The following FAM114A1 variants were observed in gnomAD, a reference collection of about 807,000 sequenced individuals.
FAM114A1 encodes the protein family with sequence similarity 114 member A1.
In FAM114A1, 62 loss-of-function variants were observed where a neutral mutation model predicts 64.3. The observed-to-expected ratio is 0.96, with a 90% confidence interval of 0.79 to 1.19. The LOEUF is 1.19. FAM114A1 is among the 50% of genes most tolerant of loss of function. The pLI, the probability that FAM114A1 is intolerant of heterozygous loss-of-function variation, is 0.00. For synonymous variants in FAM114A1, 254 were observed against 251.1 expected (o/e 1.01, Z -0.11); for missense variants, 645 against 676.3 (o/e 0.95, Z 0.51).
chr4:38,882,444 A>G (rs923346763), intron 3 of FAM114A1, among the ~76,000 whole-genome samples: 2 of 152,056 alleles, frequency 1.3e-5, no homozygotes, highest in Admixed American at 6.6e-5. Flanking sequence ...AGCCTGACCA[A>G]TATGGAGAAA....
chr4:38,937,797 C>T (rs555294505), intron 13 of FAM114A1, among the ~76,000 whole-genome samples: 17 of 152,202 alleles, frequency 1.1e-4, no homozygotes, highest in African/African-American at 3.4e-4. Flanking sequence ...TGCAGTGGCG[C>T]GATCTTGGCT....
intron 4 of FAM114A1, among the ~76,000 whole-genome samples, chr4:38,905,091 T>C (rs1717856585): frequency 6.6e-6 from 1 of 152,168 alleles, no homozygotes; most frequent in South Asian, 2.1e-4. Context: ...TTCCTCTTTC[T>C]TTCAATCAGG....
chr4:38,908,825 A>G (rs1718273065), intron 7 of FAM114A1, 99 bp downstream of exon 7: 1 of 1,213,416 alleles, frequency 8.2e-7, no homozygotes, highest in African/African-American at 1.5e-5. Context: ...ATGTGATTCA[A>G]ATCAAATGAC....
rs141439606 is a variant in FAM114A1, at chr4:38,911,337, G to A, written c.792+2611G>A. Among the ~76,000 whole-genome samples the A allele has an allele frequency of 2.7e-3, 417 of 152,360 alleles. 1 individual carries two copies. Among genetic ancestry groups the A allele is most frequent in the African/African-American group, 9.3e-3 (388 of 41,584 alleles). ...CTGACAAAGGAGACCTCATCTTCCA[G>A]GAACAGGTCTGCCTTAGTGCCCTGC... On this transcript the variant is annotated intron_variant, in intron 7 of 14. Coordinates refer to ENST00000358869, the MANE Select transcript of FAM114A1 (RefSeq NM_138389.4).
At chr4:38,882,229 G>A (rs1046556829) in intron 3 of FAM114A1, among the ~76,000 whole-genome samples, 4 of 137,100 alleles carry the variant, frequency 2.9e-5, no homozygotes, top group Non-Finnish European at 6.3e-5. Context: ...GGAGAATGGC[G>A]TGAACCCGGG....
intron 2 of FAM114A1, among the ~76,000 whole-genome samples, chr4:38,869,181 G>A (rs1375542882): frequency 6.6e-6 from 1 of 152,176 alleles, no homozygotes; most frequent in Non-Finnish European, 1.5e-5. Context: ...GGACAGAATG[G>A]CAGAAGTAAA....
At chr4:38,886,650 G>A (rs113831542) in intron 3 of FAM114A1, among the ~76,000 whole-genome samples, 2 of 151,948 alleles carry the variant, frequency 1.3e-5, no homozygotes, top group African/African-American at 2.4e-5. Flanking sequence ...AGCCTGGGCC[G>A]GGCACAGTGG....
chr4:38,914,741 A>G, intron 7 of FAM114A1, 180 bp from the exon 8 acceptor site: 1 of 613,500 alleles, frequency 1.6e-6, no homozygotes, highest in Non-Finnish European at 2.7e-6. Context: ...GTGAAGTAGG[A>G]TATGATGTAA....
intron 4 of FAM114A1, among the ~76,000 whole-genome samples, chr4:38,895,436 A>C (rs907193687): frequency 6.6e-6 from 1 of 152,210 alleles, no homozygotes; most frequent in African/African-American, 2.4e-5. Flanking sequence ...AGGCGCACTA[A>C]GGATGATCTC....
At chr4:38,941,239 A>G (rs1455612546) in intron 14 of FAM114A1, among the ~76,000 whole-genome samples, 1 of 152,202 alleles carries the variant, frequency 6.6e-6, no homozygotes, top group Admixed American at 6.5e-5. Flanking sequence ...ATAAAAAGAA[A>G]TGCTAAGCTT....
chr4:38,910,760 T>A (rs1324471143), intron 7 of FAM114A1, among the ~76,000 whole-genome samples: 1 of 152,134 alleles, frequency 6.6e-6, no homozygotes. Context: ...GCAAAGGCCC[T>A]GAGTCAGGAG....
chr4:38,876,232 C>T (rs867867712), intron 2 of FAM114A1, among the ~76,000 whole-genome samples: 9 of 140,728 alleles, frequency 6.4e-5, no homozygotes, highest in South Asian at 4.4e-4. Flanking sequence ...TGCAGTGACA[C>T]GATCTCAGCT....
In FAM114A1 at chr4:38,891,850, T is replaced by A. The variant is rs541589932; in HGVS notation, c.436+20T>A. ...CAGTAGGTAAGCATTGTATGTTGCA[T>A]TGGAATAGACAAAGTACCAAAGCCT... On this transcript the variant is annotated intron_variant, in intron 4 of 14. Coordinates refer to ENST00000358869, the MANE Select transcript of FAM114A1 (RefSeq NM_138389.4). 6.3e-7 allele frequency: 1 copy of A among 1,596,530 alleles called. No homozygotes were observed. Among genetic ancestry groups the A allele is most frequent in the Non-Finnish European group, 8.5e-7 (1 of 1,171,518 alleles).
intron 3 of FAM114A1, among the ~76,000 whole-genome samples, chr4:38,882,948 C>A (rs1193713655): frequency 6.6e-6 from 1 of 152,208 alleles, no homozygotes; most frequent in African/African-American, 2.4e-5. Flanking sequence ...AAGGACCACA[C>A]CATTTATGCA....
At chr4:38,904,461 A>G (rs1431796901) in intron 4 of FAM114A1, among the ~76,000 whole-genome samples, 3 of 152,240 alleles carry the variant, frequency 2.0e-5, no homozygotes, top group Non-Finnish European at 4.4e-5. Context: ...ATAGTTATTG[A>G]ATAACCGCTC....
Position 38,943,279 on chromosome 4 carries a change from C to T in FAM114A1, c.1591-177C>T, listed in dbSNP as rs564754476. Among the ~76,000 whole-genome samples the T allele has an allele frequency of 1.8e-3, 278 of 151,888 alleles. 2 individuals carry two copies. Among genetic ancestry groups the T allele is most frequent in the African/African-American group, 6.6e-3 (274 of 41,394 alleles). On this transcript the variant is annotated intron_variant, in intron 14 of 14. Coordinates refer to ENST00000358869, the MANE Select transcript of FAM114A1 (RefSeq NM_138389.4). ...CTCTGTTAGTATAGATAATTGAGAG[C>T]TGGACATGCCCCATCCAAAAGCATG...
At chr4:38,942,258 T>C (rs372163903) in intron 14 of FAM114A1, among the ~76,000 whole-genome samples, 1 of 152,166 alleles carries the variant, frequency 6.6e-6, no homozygotes, top group Non-Finnish European at 1.5e-5. Context: ...TATATCATTG[T>C]TTTGGGGACT....
chr4:38,894,564 C>T (rs1002208656), intron 4 of FAM114A1, among the ~76,000 whole-genome samples: 4 of 152,148 alleles, frequency 2.6e-5, no homozygotes, highest in African/African-American at 9.7e-5. Flanking sequence ...GGAGCACAGT[C>T]CACTGGAACC....
At chr4:38,909,170 C>G (rs2054933) in intron 7 of FAM114A1, among the ~76,000 whole-genome samples, 1 of 152,002 alleles carries the variant, frequency 6.6e-6, no homozygotes, top group African/African-American at 2.4e-5. Context: ...ATCTCTACCA[C>G]TTAGTAGCTG....
Sources: allele counts gnomAD v4.1 joint callset (sites outside exome capture counted in the v4.1 genomes callset), GRCh38; gene constraint gnomAD v4.1.1; transcripts MANE v1.5; gene names NCBI Gene and HGNC (gene_info 2026-07-23, HGNC 2026-07-21).